PDE7A: variants seen among roughly 807,000 people sequenced by gnomAD.
PDE7A encodes the protein high affinity 3',5'-cyclic-AMP phosphodiesterase 7A.
A neutral mutation model predicts 64.3 loss-of-function variants in PDE7A; 39 were observed. The ratio of observed to expected loss-of-function variants is 0.61; its 90% CI spans 0.47 to 0.79. PDE7A has a LOEUF of 0.79. PDE7A is among the 30% of genes least tolerant of loss of function. PDE7A has a pLI of 0.00. For missense variants in PDE7A, 470 were observed against 582.8 expected (o/e 0.81, Z 1.99); for synonymous variants, 203 against 206.8 (o/e 0.98, Z 0.16).
intron 1 of PDE7A, among the ~76,000 whole-genome samples, chr8:65,787,801 T>C (rs1197043047): frequency 1.3e-5 from 2 of 148,164 alleles, no homozygotes; most frequent in African/African-American, 2.5e-5. Flanking sequence ...AAAAAAAAAG[T>C]AAAGTCTCTG....
chr8:65,841,338 G>T, intron 1 of PDE7A, 33 bp downstream of exon 1: 6 of 1,494,664 alleles, frequency 4.0e-6, no homozygotes, highest in Non-Finnish European at 5.3e-6. Context: ...AAAGAGAGAA[G>T]CCCTCAAGTG....
chr8:65,838,074 TAAC>T (rs1490220661), intron 1 of PDE7A, among the ~76,000 whole-genome samples: 14 of 151,708 alleles, frequency 9.2e-5, no homozygotes, highest in Admixed American at 7.9e-4. Flanking sequence ...CAATATAAAT[TAAC>T]AATAGATTTC....
chr8:65,788,857 CA>C (rs1171382262), intron 1 of PDE7A: 2 of 1,457,176 alleles, frequency 1.4e-6, no homozygotes, highest in African/African-American at 1.4e-5. Context: ...TGAATGTCAC[CA>C]TCCTAAAAAT....
chr8:65,721,397 G>A (rs1400093945), intron 12 of PDE7A, among the ~76,000 whole-genome samples: 1 of 152,140 alleles, frequency 6.6e-6, no homozygotes, highest in East Asian at 1.9e-4. Context: ...TAAGAGGCTG[G>A]GATTTGATGT....
At chr8:65,839,506 C>T (rs1458316281) in intron 1 of PDE7A, among the ~76,000 whole-genome samples, 1 of 151,552 alleles carries the variant, frequency 6.6e-6, no homozygotes, top group African/African-American at 2.4e-5. Context: ...TAAGTATGTC[C>T]ATCTCTGCAT....
chr8:65,818,970 G>T lies in PDE7A; in HGVS notation c.138+22401C>A, dbSNP rs77797592. ...CAAGCTGGGGCAGAATTGGGGGAAT[G>T]TGAGTAGCCTCAAGCTAGAATGGCC... On this transcript the variant is annotated intron_variant, in intron 1 of 12. Coordinates refer to ENST00000401827, the MANE Select transcript of PDE7A (RefSeq NM_001242318.3). Among the ~76,000 whole-genome samples, 51 of 152,334 alleles carry T rather than the reference G, an allele frequency of 3.3e-4. No homozygotes were observed. In the East Asian group the frequency reaches 8.7e-3, roughly 26 times the overall value.
At chr8:65,814,304 G>A (rs1810330237) in intron 1 of PDE7A, among the ~76,000 whole-genome samples, 1 of 151,724 alleles carries the variant, frequency 6.6e-6, no homozygotes, top group Non-Finnish European at 1.5e-5. Flanking sequence ...GAGGTCAGGA[G>A]ATCGAGACCA....
At chr8:65,764,712 C>A (rs547905586) in intron 3 of PDE7A, among the ~76,000 whole-genome samples, 1 of 152,078 alleles carries the variant, frequency 6.6e-6, no homozygotes, top group African/African-American at 2.4e-5. Flanking sequence ...GAAACATCTT[C>A]TTTCATGTCA....
In PDE7A at chr8:65,841,995, G is replaced by C; in HGVS notation, c.-487C>G. On this transcript the variant is annotated 5_prime_UTR_variant, in exon 1 of 13. Coordinates refer to ENST00000401827, the MANE Select transcript of PDE7A (RefSeq NM_001242318.3). ...GCCGCCGCCGCCGCCGCCGCCGCCGGAGTCCTGCTCCTCCCCTCCCCCGGA... is the reference window on the plus strand; with the variant it reads ...GCCGCCGCCGCCGCCGCCGCCGCCGCAGTCCTGCTCCTCCCCTCCCCCGGA... 1 of 229,150 alleles carries C rather than the reference G, an allele frequency of 4.4e-6. No homozygotes were observed. The highest frequency in any genetic ancestry group is 8.3e-6 in the Non-Finnish European group (1 of 120,560). The allele number at this position is 229,150 out of a possible 1,614,324, so 14.2% of individuals were successfully genotyped here.
chr8:65,723,369 A>T, intron 12 of PDE7A, 172 bp downstream of exon 12: 1 of 520,216 alleles, frequency 1.9e-6, no homozygotes, highest in Non-Finnish European at 2.9e-6. Context: ...TCCTAAAATT[A>T]AATGAGAATT....
intron 1 of PDE7A, among the ~76,000 whole-genome samples, chr8:65,840,920 G>T (rs569359417): frequency 6.6e-6 from 1 of 152,278 alleles, no homozygotes; most frequent in South Asian, 2.1e-4. Flanking sequence ...CCAGGCGAGC[G>T]CCGCGGGGCG....
At chr8:65,735,844 T>C (rs1412262434) in intron 6 of PDE7A, among the ~76,000 whole-genome samples, 1 of 151,846 alleles carries the variant, frequency 6.6e-6, no homozygotes, top group East Asian at 1.9e-4. Context: ...AGGCTGGTCT[T>C]TAACTCCTGA....
At chr8:65,772,971 G>T (rs1001879318) in intron 3 of PDE7A, among the ~76,000 whole-genome samples, 47 of 152,258 alleles carry the variant, frequency 3.1e-4, no homozygotes, top group African/African-American at 9.6e-4. Context: ...TCGTGCCACT[G>T]CACTCCAGCC....
chr8:65,797,414 A>G (rs1809869420), intron 1 of PDE7A, among the ~76,000 whole-genome samples: 1 of 152,224 alleles, frequency 6.6e-6, no homozygotes, highest in South Asian at 2.1e-4. Context: ...TGATTTATTT[A>G]TAAGCCAAAG....
At chr8:65,835,756 G>A (rs1810935993) in intron 1 of PDE7A, among the ~76,000 whole-genome samples, 1 of 152,176 alleles carries the variant, frequency 6.6e-6, no homozygotes, top group Non-Finnish European at 1.5e-5. Flanking sequence ...TGTTTAAGAA[G>A]GAATTCCTGG....
chr8:65,755,862 A>G (rs1808214797), intron 3 of PDE7A, among the ~76,000 whole-genome samples: 1 of 152,118 alleles, frequency 6.6e-6, no homozygotes, highest in Non-Finnish European at 1.5e-5. Flanking sequence ...AGCTCAAGAG[A>G]TCTTCTTGCC....
At chr8:65,768,833 T>C (rs1425781021) in intron 3 of PDE7A, among the ~76,000 whole-genome samples, 1 of 152,128 alleles carries the variant, frequency 6.6e-6, no homozygotes, top group Non-Finnish European at 1.5e-5. Context: ...GCTAGAATAA[T>C]AGATAATAAA....
rs867159663 is a variant in PDE7A at position 65,717,153 on chromosome 8, C to T, written c.*2137G>A. On this transcript the variant is annotated 3_prime_UTR_variant, in exon 13 of 13. Coordinates refer to ENST00000401827, the MANE Select transcript of PDE7A (RefSeq NM_001242318.3). ...TTTTCTAAATGTGGCTACTAGAAAA[C>T]CGAAAATTATGTGGCTTGGATTCTG... Among the ~76,000 whole-genome samples, 33 of 152,254 alleles carry T rather than the reference C, an allele frequency of 2.2e-4. No individual in the cohort carries two copies. Among genetic ancestry groups the T allele is most frequent in the Non-Finnish European group, 5.9e-5 (4 of 68,004 alleles).
intron 1 of PDE7A, among the ~76,000 whole-genome samples, chr8:65,815,203 T>C (rs113312336): frequency 4.6e-5 from 7 of 152,180 alleles, no homozygotes; most frequent in East Asian, 3.8e-4. Context: ...ATTAAATACA[T>C]AGTAATGATA....
Sources: gnomAD v4.1 joint callset for allele counts (sites outside exome capture counted in the v4.1 genomes callset) on GRCh38, gnomAD v4.1.1 for gene constraint, MANE v1.5 for transcripts, NCBI Gene and HGNC (gene_info 2026-07-23, HGNC 2026-07-21) for gene names.